HYDIN: variants seen among roughly 807,000 people sequenced by gnomAD.
HYDIN encodes HYDIN axonemal central pair apparatus protein, also known as axonemal central pair apparatus protein HYDIN.
HYDIN carries 132 observed loss-of-function variants against 403.9 expected under a neutral mutation model. That is an observed-to-expected ratio of 0.33 (90% CI 0.28 to 0.38). The LOEUF (loss-of-function observed/expected upper bound fraction) is 0.38, where lower values mean the gene tolerates loss of function less well. HYDIN is among the 10% of genes least tolerant of loss of function. The pLI, the probability that HYDIN is intolerant of heterozygous loss-of-function variation, is 1.00. For synonymous variants in HYDIN, 1,202 were observed against 1,891.7 expected, an observed-to-expected ratio of 0.64 and a Z score of 9.46; for missense variants, 2,827 against 5,009.5, an observed-to-expected ratio of 0.56 and a Z score of 13.15.
rs1196735377 is a variant in HYDIN at position 71,027,612 on chromosome 16, G to C, written c.3032C>G (p.Ala1011Gly). 1.9e-6 allele frequency: 3 copies of C among 1,613,876 alleles called. No individual in the cohort carries two copies. Among genetic ancestry groups the C allele is most frequent in the African/African-American group, 2.7e-5 (2 of 74,876 alleles). ...AIDVILEGYSATPRIVKEKLV... is the reference protein window; with the variant it reads ...AIDVILEGYSGTPRIVKEKLV... ...GTGCTATCCCCTTACCCTGGGAGTA[G>C]CAGAATAGCCTTCGAGTATCACATC... The change falls in exon 20 of 86, where the codon GCT becomes GGT. Residue 1011 changes from alanine (A) to glycine (G), a missense_variant. Physicochemically the swap from Ala to Gly is moderately conservative, Grantham distance 60. Coordinates refer to ENST00000393567, the MANE Select transcript of HYDIN (RefSeq NM_001270974.2).
In HYDIN at chr16:70,996,303, G is replaced by A. The variant is rs569408999; in HGVS notation, c.3645-4093C>T. ...CTCCTAGGGAATCCACTACAGTGTT[G>A]TAGGATTCTAAAGATGAGAAACCCA... On this transcript the variant is annotated intron_variant, in intron 23 of 85. Transcript: ENST00000393567. Among the ~76,000 whole-genome samples the A allele has an allele frequency of 4.6e-5, 7 of 152,324 alleles. 1 individual carries two copies. In the South Asian group the frequency reaches 1.5e-3, roughly 32 times the overall value.
Position 71,209,379 on chromosome 16 carries a change from T to C in HYDIN, c.-24+21183A>G, listed in dbSNP as rs576285238. On this transcript the variant is annotated intron_variant, in intron 1 of 85. Transcript: ENST00000393567. ...TTGAAAACCATCACTAAACTAGGCATTGAAGGAACATACCTCAAAATAATG... is the reference window on the plus strand; with the variant it reads ...TTGAAAACCATCACTAAACTAGGCACTGAAGGAACATACCTCAAAATAATG... Among the ~76,000 whole-genome samples, 12 of 151,958 alleles carry C rather than the reference T, an allele frequency of 7.9e-5. No individual in the cohort carries two copies. The East Asian group carries it at 1.2e-3, about 15-fold the overall frequency.
At chr16:70,944,336 C>G (rs1419591002) in intron 41 of HYDIN, among the ~76,000 whole-genome samples, 7 of 152,342 alleles carry the variant, frequency 4.6e-5, no homozygotes, top group Middle Eastern at 3.4e-3. Context: ...AGGCCACCTT[C>G]CTTCACAAAT....
chr16:71,017,167 G>C (rs7203662), intron 23 of HYDIN, among the ~76,000 whole-genome samples: 298 of 135,452 alleles, frequency 2.2e-3, no homozygotes, highest in African/African-American at 5.5e-3. Context: ...TGGTGAAACC[G>C]CATCTCTACT....
chr16:70,929,092 C>T (rs1305226156), intron 45 of HYDIN, among the ~76,000 whole-genome samples: 2 of 151,546 alleles, frequency 1.3e-5, no homozygotes, highest in African/African-American at 4.9e-5. Flanking sequence ...GAGTTTGAGA[C>T]CAGGCTGATC....
intron 50 of HYDIN, among the ~76,000 whole-genome samples, chr16:70,907,130 C>A (rs2076558406): frequency 6.6e-6 from 1 of 152,118 alleles, no homozygotes; most frequent in South Asian, 2.1e-4. Context: ...AACTCTTGAT[C>A]CTACCCTGAT....
At chr16:71,218,253 G>A (rs2144750742) in intron 1 of HYDIN, among the ~76,000 whole-genome samples, 1 of 152,266 alleles carries the variant, frequency 6.6e-6, no homozygotes, top group East Asian at 1.9e-4. Context: ...AATGTGGTAA[G>A]AATAAGATAT....
At chr16:70,873,703 CACA>C (rs1396530210) in intron 64 of HYDIN, among the ~76,000 whole-genome samples, 2 of 151,440 alleles carry the variant, frequency 1.3e-5, no homozygotes, top group African/African-American at 2.4e-5. Flanking sequence ...TAGATTGCAG[CACA>C]ACATGTCTTA....
At position 71,230,238 on chromosome 16, in the gene HYDIN, A is replaced by G. The variant is rs377353477; in HGVS notation, c.-24+324T>C. Among the ~76,000 whole-genome samples, 21 of 152,208 alleles carry G rather than the reference A, an allele frequency of 1.4e-4. 1 individual carries two copies. The East Asian group carries it at 3.3e-3, about 24-fold the overall frequency. On this transcript the variant is annotated intron_variant, in intron 1 of 85. Transcript: ENST00000393567. ...TGGAACTGTACACCTAAAAGAGGTG[A>G]ATTTTACCATTTTCCCCGGTAAGAC... is the stretch of plus-strand genomic sequence containing the variant.
At chr16:71,033,895 T>G (rs11075838) in intron 18 of HYDIN, among the ~76,000 whole-genome samples, 1 of 151,988 alleles carries the variant, frequency 6.6e-6, no homozygotes, top group African/African-American at 2.4e-5. Flanking sequence ...TGTGGATTAA[T>G]CTTTATAGAA....
intron 4 of HYDIN, among the ~76,000 whole-genome samples, chr16:71,178,519 A>T (rs977602190): frequency 1.3e-5 from 2 of 150,270 alleles, no homozygotes; most frequent in Non-Finnish European, 3.0e-5. Flanking sequence ...ATGCTCAACA[A>T]TTGCAATTCT....
intron 1 of HYDIN, among the ~76,000 whole-genome samples, chr16:71,199,377 G>C (rs756451410): frequency 3.9e-5 from 6 of 152,202 alleles, no homozygotes; most frequent in African/African-American, 1.4e-4. Context: ...AAGAGATGGG[G>C]GTTCACTAGG....
chr16:71,181,463 A>G (rs1267001553), intron 3 of HYDIN, among the ~76,000 whole-genome samples: 1 of 152,104 alleles, frequency 6.6e-6, no homozygotes, highest in African/African-American at 2.4e-5. Context: ...TATTAAATAT[A>G]TGGTCACTTG....
intron 45 of HYDIN, among the ~76,000 whole-genome samples, chr16:70,928,299 C>T (rs375814191): frequency 2.6e-5 from 4 of 152,230 alleles, no homozygotes; most frequent in African/African-American, 7.2e-5. Flanking sequence ...CACATTTCTA[C>T]AAAAAAATTA....
chr16:71,096,399 C>G (rs2083279281), intron 10 of HYDIN, among the ~76,000 whole-genome samples: 1 of 152,168 alleles, frequency 6.6e-6, no homozygotes, highest in Non-Finnish European at 1.5e-5. Flanking sequence ...GAATAATTGT[C>G]TTTCATCAAT....
chr16:70,992,055 T>C lies in HYDIN; in HGVS notation c.3785+15A>G, dbSNP rs1464417895. 2 of 1,613,778 alleles carry C rather than the reference T, an allele frequency of 1.2e-6. No individual in the cohort carries two copies. The highest frequency in any genetic ancestry group is 1.1e-5 in the South Asian group (1 of 91,058). ...AAAAGCTACTACAAATAATCTATGT[T>C]GGCTTTGCACTTACTTAACAAAATC... On this transcript the variant is annotated intron_variant, in intron 24 of 85. Coordinates refer to ENST00000393567, the MANE Select transcript of HYDIN (RefSeq NM_001270974.2).
intron 30 of HYDIN, among the ~76,000 whole-genome samples, chr16:70,976,719 G>C (rs1347892540): frequency 6.6e-6 from 1 of 152,046 alleles, no homozygotes; most frequent in Non-Finnish European, 1.5e-5. Context: ...TATTCAAGGA[G>C]ATTCCATTTT....
intron 36 of HYDIN, 36 bp from the exon 37 acceptor site, chr16:70,964,932 A>G: frequency 1.9e-6 from 3 of 1,604,280 alleles, no homozygotes; most frequent in East Asian, 2.2e-5. Flanking sequence ...TGTTGGTCTC[A>G]CTAGAAATCT....
intron 1 of HYDIN, among the ~76,000 whole-genome samples, chr16:71,210,042 T>C (rs931167352): frequency 3.3e-5 from 5 of 152,222 alleles, no homozygotes; most frequent in African/African-American, 1.2e-4. Flanking sequence ...AAAAAACTAA[T>C]GCTTATATAC....
Sources: gnomAD v4.1 joint callset for allele counts (sites outside exome capture counted in the v4.1 genomes callset) on GRCh38, gnomAD v4.1.1 for gene constraint, MANE v1.5 for transcripts, NCBI Gene and HGNC (gene_info 2026-07-23, HGNC 2026-07-21) for gene names.